SPAG16: variants seen among roughly 807,000 people sequenced by gnomAD.
SPAG16 encodes the protein sperm-associated antigen 16 protein.
In SPAG16, 86 loss-of-function variants were observed where a neutral mutation model predicts 80.4. The observed-to-expected ratio is 1.07, with a 90% CI of 0.90 to 1.28. SPAG16 has a LOEUF of 1.28. Among genes scored for constraint, SPAG16 ranks in the 50% most tolerant of loss-of-function variants. The probability of loss-of-function intolerance (pLI) is 0.00; values close to 1 mark genes in which losing one functional copy is unlikely to be tolerated. For missense variants in SPAG16, 870 were observed against 765.3 expected (o/e 1.14, Z -1.61); for synonymous variants, 294 against 265.9 (o/e 1.11, Z -1.03).
chr2:213,345,317 C>T (rs2064918463), intron 6 of SPAG16, among the ~76,000 whole-genome samples: 2 of 116,336 alleles, frequency 1.7e-5, no homozygotes, highest in Admixed American at 9.6e-5. Flanking sequence ...AAATTTTCTC[C>T]CATTCTGTAG....
At chr2:214,313,137 G>A (rs1394105806) in intron 15 of SPAG16, among the ~76,000 whole-genome samples, 1 of 151,668 alleles carries the variant, frequency 6.6e-6, no homozygotes, top group African/African-American at 2.4e-5. Context: ...AAAAAAACAG[G>A]TAAGTCAAAT....
chr2:213,824,627 G>A (rs2073158132), intron 10 of SPAG16, among the ~76,000 whole-genome samples: 1 of 152,110 alleles, frequency 6.6e-6, no homozygotes, highest in African/African-American at 2.4e-5. Flanking sequence ...GTACCATGCT[G>A]TTTTGGTTAC....
intron 9 of SPAG16, among the ~76,000 whole-genome samples, chr2:213,471,720 T>G (rs1372413810): frequency 6.6e-6 from 1 of 152,184 alleles, no homozygotes; most frequent in Non-Finnish European, 1.5e-5. Context: ...TTGCAGAGCC[T>G]TCTCCTGTTC....
intron 11 of SPAG16, among the ~76,000 whole-genome samples, chr2:213,867,171 A>G (rs1445133554): frequency 6.6e-6 from 1 of 152,202 alleles, no homozygotes; most frequent in Non-Finnish European, 1.5e-5. Flanking sequence ...TCATTATTAC[A>G]TATTTACCAC....
intron 15 of SPAG16, among the ~76,000 whole-genome samples, chr2:214,348,115 A>G (rs1698176794): frequency 6.6e-6 from 1 of 152,170 alleles, no homozygotes; most frequent in Non-Finnish European, 1.5e-5. Context: ...ACCATTGTAT[A>G]CGGGTTGTGT....
chr2:213,495,371 A>G (rs975517188), intron 10 of SPAG16, among the ~76,000 whole-genome samples: 1 of 152,234 alleles, frequency 6.6e-6, no homozygotes, highest in Non-Finnish European at 1.5e-5. Context: ...TCCAAACTTT[A>G]TCAAGCTTTA....
chr2:214,241,780 A>C (rs1227419478), intron 15 of SPAG16, among the ~76,000 whole-genome samples: 1 of 152,210 alleles, frequency 6.6e-6, no homozygotes, highest in Non-Finnish European at 1.5e-5. Flanking sequence ...GAATAACTTA[A>C]CAACCTTACA....
chr2:214,003,785 A>G (rs562546280), intron 12 of SPAG16, among the ~76,000 whole-genome samples: 1 of 152,358 alleles, frequency 6.6e-6, no homozygotes, highest in South Asian at 2.1e-4. Flanking sequence ...GACCACATAG[A>G]CAACAGCACT....
chr2:214,189,280 G>A (rs914839740), intron 15 of SPAG16, among the ~76,000 whole-genome samples: 2 of 151,960 alleles, frequency 1.3e-5, no homozygotes, highest in African/African-American at 4.8e-5. Context: ...GAGAGAGCTG[G>A]CTTTTGAGAA....
At chr2:213,764,694 T>A (rs1409457558) in intron 10 of SPAG16, among the ~76,000 whole-genome samples, 1 of 152,146 alleles carries the variant, frequency 6.6e-6, no homozygotes, top group Non-Finnish European at 1.5e-5. Context: ...GAGAACATGA[T>A]ATTATTCCCC....
intron 10 of SPAG16, among the ~76,000 whole-genome samples, chr2:213,828,424 T>A (rs1366196435): frequency 6.6e-6 from 1 of 152,210 alleles, no homozygotes; most frequent in East Asian, 1.9e-4. Context: ...TCTGAATTAC[T>A]TTCTGTGTTA....
intron 15 of SPAG16, among the ~76,000 whole-genome samples, chr2:214,374,656 G>T (rs1413272269): frequency 6.6e-6 from 1 of 152,124 alleles, no homozygotes; most frequent in East Asian, 1.9e-4. Flanking sequence ...AGCCCCAAAA[G>T]CAAATGTGTT....
At chr2:214,065,524 T>C (rs1262578622) in intron 13 of SPAG16, among the ~76,000 whole-genome samples, 2 of 152,162 alleles carry the variant, frequency 1.3e-5, no homozygotes, top group Non-Finnish European at 2.9e-5. Context: ...AGGGTGTTAG[T>C]ATTTGAGAAT....
intron 15 of SPAG16, among the ~76,000 whole-genome samples, chr2:214,212,262 A>G (rs1164289482): frequency 1.3e-5 from 2 of 151,588 alleles, no homozygotes; most frequent in Non-Finnish European, 1.5e-5. Context: ...TTTGTCTTTT[A>G]TCTACCAGAA....
chr2:214,375,119 G>A lies in SPAG16; in HGVS notation c.1721-35021G>A, dbSNP rs143567941. Among the ~76,000 whole-genome samples, 10 of 152,252 alleles carry A rather than the reference G, an allele frequency of 6.6e-5. No individual in the cohort carries two copies. The East Asian group carries it at 9.7e-4, about 15-fold the overall frequency. On this transcript the variant is annotated intron_variant, in intron 15 of 15. Transcript: ENST00000331683. Reference sequence around the variant, plus strand: ...ACAGAACTAATTTTCAGGCAGGTACGTGTTAAAGATTAGGGAAGGACAGCA... The same window carrying A: ...ACAGAACTAATTTTCAGGCAGGTACATGTTAAAGATTAGGGAAGGACAGCA...
chr2:213,346,397 G>T (rs1021370956), intron 6 of SPAG16, among the ~76,000 whole-genome samples: 1 of 152,084 alleles, frequency 6.6e-6, no homozygotes, highest in Non-Finnish European at 1.5e-5. Context: ...TGATTGCCCT[G>T]GCCAGAACTT....
At chr2:213,612,442 C>T (rs1237512544) in intron 10 of SPAG16, among the ~76,000 whole-genome samples, 1 of 152,010 alleles carries the variant, frequency 6.6e-6, no homozygotes, top group Non-Finnish European at 1.5e-5. Flanking sequence ...CGCTGAATTC[C>T]ACCTGCCTAC....
chr2:213,869,139 G>A (rs2075827694), intron 11 of SPAG16, among the ~76,000 whole-genome samples: 1 of 150,896 alleles, frequency 6.6e-6, no homozygotes. Context: ...TGTAATCCCA[G>A]CTACTCGGGA....
intron 13 of SPAG16, among the ~76,000 whole-genome samples, chr2:214,078,295 G>A (rs1436984070): frequency 6.6e-6 from 1 of 152,106 alleles, no homozygotes; most frequent in African/African-American, 2.4e-5. Flanking sequence ...TCTCACACCT[G>A]TAATCCCAGC....
Sources: gnomAD v4.1 joint callset for allele counts (sites outside exome capture counted in the v4.1 genomes callset) on GRCh38, gnomAD v4.1.1 for gene constraint, MANE v1.5 for transcripts, NCBI Gene and HGNC (gene_info 2026-07-23, HGNC 2026-07-21) for gene names.